Variants in PPIL2 observed in about 807,000 individuals in gnomAD.
PPIL2 encodes the protein peptidylprolyl isomerase like 2.
PPIL2 carries 50 observed loss-of-function variants against 75.2 expected under a neutral mutation model. The ratio of observed to expected loss-of-function variants is 0.66; its 90% CI spans 0.53 to 0.84. PPIL2 has a LOEUF of 0.84. Ranked by LOEUF, PPIL2 falls within the 40% of genes least tolerant of loss-of-function variation. The pLI is 0.00. For synonymous variants in PPIL2, 245 were observed against 258.8 expected, an observed-to-expected ratio of 0.95 and a Z score of 0.51; for missense variants, 590 against 685.0, an observed-to-expected ratio of 0.86 and a Z score of 1.55.
At chr22:21,693,941 C>T in intron 16 of PPIL2, 69 bp downstream of exon 16, 1 of 1,461,536 alleles carries the variant, frequency 6.8e-7, no homozygotes, top group Non-Finnish European at 9.6e-7. Context: ...CACCTGAGGC[C>T]TCCTCACTGC....
At chr22:21,697,923 CT>C (rs1437162060), downstream of PPIL2, 1 of 152,066 alleles carries the variant, frequency 6.6e-6, no homozygotes, top group African/African-American at 2.4e-5. Flanking sequence ...ATTTTCAATT[CT>C]AATATCTGAC....
At chr22:21,694,193 T>TTCCAGCGTTGTGGGCCACGTGGTCTC (rs1229860877) in intron 16 of PPIL2, among the ~76,000 whole-genome samples, 1 of 152,170 alleles carries the variant, frequency 6.6e-6, no homozygotes, top group Non-Finnish European at 1.5e-5. Context: ...CCAGGGGTCT[T>TTCCAGCGTTGTGGGCCACGTGGTCTC]TCCAGCGTTG....
At chr22:21,684,629 G>A in intron 9 of PPIL2, 124 bp from the exon 10 acceptor site, 1 of 1,227,384 alleles carries the variant, frequency 8.1e-7, no homozygotes, top group Non-Finnish European at 1.1e-6. Flanking sequence ...TCTGTGGCTG[G>A]CAGTGGCACG....
intron 4 of PPIL2, 116 bp from the exon 5 acceptor site, chr22:21,672,214 G>T: frequency 1.2e-6 from 1 of 819,920 alleles, no homozygotes. Flanking sequence ...CTCCTAAAGT[G>T]AAGCAAGACC....
At chr22:21,674,466 C>T (rs182214432) in intron 5 of PPIL2, among the ~76,000 whole-genome samples, 6 of 152,330 alleles carry the variant, frequency 3.9e-5, no homozygotes, top group African/African-American at 1.2e-4. Context: ...TACTTTCTCC[C>T]CACTTTTAAT....
intron 3 of PPIL2, 36 bp from the exon 4 acceptor site, chr22:21,670,961 C>G: frequency 6.4e-7 from 1 of 1,553,372 alleles, no homozygotes. Context: ...GACCAGGGTG[C>G]GTGGCAACTC....
chr22:21,697,287 C>G lies in PPIL2; in HGVS notation c.*1797C>G, dbSNP rs1339337152. ...CGGGTGGTGGGGATGAAGGCCTGAC[C>G]AGGGAGGGAGAAGCAGGTTTGGAGA... On this transcript the variant is annotated 3_prime_UTR_variant, in exon 20 of 20. Coordinates refer to ENST00000398831, the MANE Select transcript of PPIL2 (RefSeq NM_014337.4). 7.8e-6 allele frequency: 3 copies of G among 385,702 alleles called. No individual in the cohort carries two copies. The highest frequency in any genetic ancestry group is 3.0e-5 in the South Asian group (1 of 33,120). 23.9% of individuals were successfully genotyped at this position (385,702 alleles called of 1,614,324 possible). A position where few individuals can be genotyped will look rare whatever the true frequency, so the allele number is the denominator to read the frequency against.
chr22:21,695,113 C>G (rs772377471), intron 19 of PPIL2, 43 bp downstream of exon 19: 1 of 1,539,332 alleles, frequency 6.5e-7, no homozygotes, highest in Non-Finnish European at 8.7e-7. Context: ...CATGGTGTTT[C>G]CTAGGGCTGA....
chr22:21,667,561 G>T (rs951790851), intron 1 of PPIL2, among the ~76,000 whole-genome samples: 21 of 152,138 alleles, frequency 1.4e-4, no homozygotes, highest in Admixed American at 1.0e-3. Context: ...CATGCTCTTT[G>T]TTTTCCATCG....
At chr22:21,666,436 C>G (rs1482344331) in intron 1 of PPIL2, among the ~76,000 whole-genome samples, 3 of 152,222 alleles carry the variant, frequency 2.0e-5, no homozygotes. Context: ...TGAGTAGTCT[C>G]TACCTCTTCC....
Position 21,683,269 on chromosome 22 carries a change from T to A in PPIL2, c.553+12T>A. On this transcript the variant is annotated intron_variant, in intron 9 of 19. Coordinates refer to ENST00000398831, the MANE Select transcript of PPIL2 (RefSeq NM_014337.4). ...AATAATAGACCCAGGTATGTACACC[T>A]AGGGGCTGGGCTAGGCGAGGGGGCT... is the stretch of plus-strand genomic sequence containing the variant. The A allele has an allele frequency of 6.3e-7, 1 of 1,599,454 alleles. No individual in the cohort carries two copies. The highest frequency in any genetic ancestry group is 8.6e-7 in the Non-Finnish European group (1 of 1,166,718).
chr22:21,671,079 T>C lies in PPIL2; in HGVS notation c.191+20T>C. The C allele has an allele frequency of 6.3e-7, 1 of 1,594,936 alleles. No homozygotes were observed. The highest frequency in any genetic ancestry group is 1.1e-5 in the South Asian group (1 of 90,690). ...CTTACTGTGAGTTTTTCCTTGAATT[T>C]TGATCTAACAAATGTGAGATTCTCA... On this transcript the variant is annotated intron_variant, in intron 4 of 19. Coordinates refer to ENST00000398831, the MANE Select transcript of PPIL2 (RefSeq NM_014337.4).
chr22:21,685,833 A>G (rs2067336009), intron 10 of PPIL2: 1 of 356,084 alleles, frequency 2.8e-6, no homozygotes, highest in African/African-American at 2.2e-5. Context: ...CCGACCCCTG[A>G]TTAAATATGT....
At position 21,695,575 on chromosome 22, in the gene PPIL2, G is replaced by C. The variant is rs1410121486; in HGVS notation, c.*85G>C. The C allele has an allele frequency of 1.3e-6, 2 of 1,535,122 alleles. No homozygotes were observed. The highest frequency in any genetic ancestry group is 1.8e-6 in the Non-Finnish European group (2 of 1,139,380). The stretch of plus-strand genomic sequence containing the variant: ...TCTCCATTTCCAGCCTTTCTAGCCT[G>C]CCCTCTGCTGCCAGCCAATAAATTG... On this transcript the variant is annotated 3_prime_UTR_variant, in exon 20 of 20. Coordinates refer to ENST00000398831, the MANE Select transcript of PPIL2 (RefSeq NM_014337.4).
At chr22:21,683,743 G>A (rs538976206) in intron 9 of PPIL2, among the ~76,000 whole-genome samples, 19 of 152,356 alleles carry the variant, frequency 1.2e-4, no homozygotes, top group Non-Finnish European at 2.5e-4. Flanking sequence ...GGGCTGGGCC[G>A]TGTCTGTGCT....
intron 6 of PPIL2, among the ~76,000 whole-genome samples, chr22:21,677,444 C>T (rs1453492180): frequency 1.3e-5 from 2 of 152,250 alleles, no homozygotes; most frequent in African/African-American, 2.4e-5. Context: ...TCTGCAATCC[C>T]GGCACCTCGG....
chr22:21,693,683 G>A (rs1375185044), intron 15 of PPIL2, 133 bp from the exon 16 acceptor site: 5 of 910,636 alleles, frequency 5.5e-6, no homozygotes, highest in Non-Finnish European at 8.9e-6. Flanking sequence ...GGAACCACGT[G>A]CACACATGCG....
intron 1 of PPIL2, among the ~76,000 whole-genome samples, chr22:21,668,788 T>C: frequency 6.8e-6 from 1 of 148,050 alleles, no homozygotes; most frequent in Non-Finnish European, 1.5e-5. Context: ...CTCCGCTCAC[T>C]GCAAGCTCCG....
intron 2 of PPIL2, chr22:21,670,165 A>G (rs2066576516): frequency 3.3e-6 from 3 of 915,048 alleles, no homozygotes; most frequent in Non-Finnish European, 4.8e-6. Flanking sequence ...TGTAAAATGT[A>G]ATTTAAAATA....
Sources: allele counts gnomAD v4.1 joint callset (sites outside exome capture counted in the v4.1 genomes callset), GRCh38; gene constraint gnomAD v4.1.1; transcripts MANE v1.5; gene names NCBI Gene and HGNC (gene_info 2026-07-23, HGNC 2026-07-21).